OTOGL: variants seen among roughly 807,000 people sequenced by gnomAD.
OTOGL encodes the protein otogelin like, also known as otogelin-like protein.
A neutral mutation model predicts 318.5 loss-of-function variants in OTOGL; 285 were observed. The observed-to-expected ratio is 0.89, with a 90% confidence interval of 0.81 to 0.99. The LOEUF (loss-of-function observed/expected upper bound fraction) is 0.99, where lower values mean the gene tolerates loss of function less well. OTOGL is among the 50% of genes least tolerant of loss of function. The probability of loss-of-function intolerance (pLI) is 0.00; values close to 1 mark genes in which losing one functional copy is unlikely to be tolerated. For synonymous variants in OTOGL, 987 were observed against 936.5 expected (o/e 1.05, Z -0.99); for missense variants, 2,899 against 2,845.6 (o/e 1.02, Z -0.43).
At position 80,278,250 on chromosome 12, in the gene OTOGL, G is replaced by C; in HGVS notation, c.2764G>C (p.Val922Leu). Residue 922 changes from valine to leucine, a missense_variant, in exon 25 of 59, where the codon GTG (valine) becomes CTG (leucine). This residue lies in a region of OTOGL where 2,607 missense variants were observed against 2,524.9 expected (regional missense o/e 1.03). Transcript: ENST00000547103. ...WKDWEYLSGE[V>L]IATPCYTCVC... is the part of the protein sequence containing the mutation. ...AGATTGGGAGTATCTCTCAGGAGAA[G>C]TGATTGCTACACCGTGTTACACCTG... 1 of 1,544,476 alleles carries C rather than the reference G, an allele frequency of 6.5e-7. No homozygotes were observed. The highest frequency in any genetic ancestry group is 8.8e-7 in the Non-Finnish European group (1 of 1,142,140).
intron 11 of OTOGL, among the ~76,000 whole-genome samples, chr12:80,248,864 C>A (rs1025799728): frequency 2.1e-4 from 31 of 149,174 alleles, no homozygotes; most frequent in Non-Finnish European, 3.1e-4. Context: ...TTGCTCATTT[C>A]TTTTTATTCT....
intron 57 of OTOGL, among the ~76,000 whole-genome samples, chr12:80,373,269 T>C: frequency 6.6e-6 from 1 of 151,988 alleles, no homozygotes; most frequent in East Asian, 1.9e-4. Flanking sequence ...CCGTCTCTAC[T>C]AAAAATACAA....
chr12:80,288,650 C>G (rs1477300630), intron 26 of OTOGL, among the ~76,000 whole-genome samples: 1 of 151,824 alleles, frequency 6.6e-6, no homozygotes, highest in Non-Finnish European at 1.5e-5. Context: ...AGTTGATAAT[C>G]AGTCTCTGAT....
intron 56 of OTOGL, chr12:80,370,894 G>T: frequency 6.5e-6 from 2 of 307,550 alleles, no homozygotes; most frequent in Non-Finnish European, 5.7e-6. Flanking sequence ...GTCTTGAATA[G>T]ATACTGTGCA....
intron 23 of OTOGL, 47 bp downstream of exon 23, chr12:80,270,201 AC>A: frequency 6.9e-7 from 1 of 1,448,664 alleles, no homozygotes; most frequent in South Asian, 1.2e-5. Flanking sequence ...CAGCTCTGAT[AC>A]CACCTCCACT....
chr12:80,215,299 G>T (rs1877611260), intron 4 of OTOGL, among the ~76,000 whole-genome samples: 1 of 151,264 alleles, frequency 6.6e-6, no homozygotes, highest in South Asian at 2.1e-4. Context: ...CCTGAGTACT[G>T]GGATTATAGG....
At chr12:80,333,591 T>C (rs907593216) in intron 38 of OTOGL, among the ~76,000 whole-genome samples, 7 of 152,038 alleles carry the variant, frequency 4.6e-5, no homozygotes, top group African/African-American at 1.2e-4. Context: ...TCAGATCCTA[T>C]GGAAAAAATA....
intron 1 of OTOGL, among the ~76,000 whole-genome samples, chr12:80,171,952 G>A (rs1874230702): frequency 1.3e-5 from 2 of 151,866 alleles, no homozygotes; most frequent in South Asian, 4.1e-4. Context: ...GTATCTTACG[G>A]TGAAAATTAG....
At chr12:80,286,036 C>G (rs150196889) in intron 26 of OTOGL, among the ~76,000 whole-genome samples, 4,924 of 152,024 alleles carry the variant, frequency 0.032, 264 homozygotes, top group African/African-American at 0.11. Context: ...ATTATTTTAA[C>G]ATATGTTCCA....
chr12:80,258,057 A>G (rs1882221315), intron 18 of OTOGL, 55 bp downstream of exon 18: 13 of 1,389,898 alleles, frequency 9.4e-6, no homozygotes, highest in African/African-American at 1.5e-5. Flanking sequence ...TTTAAAGGAT[A>G]TAAATTCATT....
In OTOGL at chr12:80,188,741, G is replaced by C. The variant is rs951104195; in HGVS notation, c.-19-20672G>C. 2.6e-5 allele frequency among the ~76,000 whole-genome samples: 4 copies of C among 152,124 alleles called. No homozygotes were observed. The East Asian group carries it at 7.7e-4, about 29-fold the overall frequency. The stretch of plus-strand genomic sequence containing the variant: ...AGCACCTCACTAGAGCTGAGCTTTT[G>C]TTATATAAATAAAGCCATCTGGTAT... On this transcript the variant is annotated intron_variant, in intron 1 of 58. Coordinates refer to ENST00000547103, the MANE Select transcript of OTOGL (RefSeq NM_001378609.3).
chr12:80,343,509 G>GTTTTTTTTTTTTTTTTTTTTCTTT (rs1888939738), intron 44 of OTOGL: 1 of 35,868 alleles, frequency 2.8e-5, no homozygotes, highest in South Asian at 1.2e-3. Context: ...TTTTATTCTT[G>GTTTTTTTTTTTTTTTTTTTTCTTT]TTTTTTTTTT....
chr12:80,283,188 A>G (rs1565953083), intron 26 of OTOGL, among the ~76,000 whole-genome samples: 1 of 152,054 alleles, frequency 6.6e-6, no homozygotes, highest in Non-Finnish European at 1.5e-5. Flanking sequence ...TCATCCTTAC[A>G]ATAATATACT....
chr12:80,228,167 G>A (rs113999466), intron 7 of OTOGL, among the ~76,000 whole-genome samples: 123 of 152,188 alleles, frequency 8.1e-4, no homozygotes, highest in African/African-American at 2.5e-3. Flanking sequence ...GAGGCTGGGC[G>A]TAGTGACTCA....
intron 52 of OTOGL, among the ~76,000 whole-genome samples, chr12:80,359,120 A>G (rs997891595): frequency 2.0e-5 from 3 of 152,182 alleles, no homozygotes. Flanking sequence ...TTAACTGCTG[A>G]TAGAATCTGC....
chr12:80,130,950 C>G (rs1346118949), intron 1 of OTOGL: 3 of 152,186 alleles, frequency 2.0e-5, no homozygotes, highest in Admixed American at 6.5e-5. Flanking sequence ...GAAGCAAACA[C>G]TGGCTAACTT....
chr12:80,182,361 T>A (rs1330519757), intron 1 of OTOGL, among the ~76,000 whole-genome samples: 1 of 152,154 alleles, frequency 6.6e-6, no homozygotes, highest in African/African-American at 2.4e-5. Flanking sequence ...CAGCAGGCAA[T>A]AGAGCCAGTT....
intron 1 of OTOGL, among the ~76,000 whole-genome samples, chr12:80,195,975 C>T (rs965675238): frequency 6.6e-6 from 1 of 152,198 alleles, no homozygotes; most frequent in Admixed American, 6.5e-5. Context: ...AATACATTCT[C>T]ATGCCTGTTC....
At chr12:80,355,229 C>CT (rs869285817) in intron 46 of OTOGL, among the ~76,000 whole-genome samples, 9 of 50,044 alleles carry the variant, frequency 1.8e-4, no homozygotes, top group African/African-American at 3.8e-4. Flanking sequence ...TCTTTCTTTT[C>CT]TTTTTTTTTT....
Sources: gnomAD v4.1 joint callset for allele counts (sites outside exome capture counted in the v4.1 genomes callset) on GRCh38, gnomAD v4.1.1 for gene constraint, gnomAD v4.1.1 regional missense constraint, MANE v1.5 for transcripts, NCBI Gene and HGNC (gene_info 2026-07-23, HGNC 2026-07-21) for gene names.